Variants in UPRT observed in about 807,000 individuals in gnomAD.
UPRT encodes uracil phosphoribosyltransferase homolog, also known as RP11-311P8.3.
In UPRT, 5 loss-of-function variants were observed where a neutral mutation model predicts 22.6. That is an observed-to-expected ratio of 0.22 (90% CI 0.12 to 0.47). The LOEUF (loss-of-function observed/expected upper bound fraction) is 0.47. UPRT is among the 20% of genes least tolerant of loss of function. UPRT has a pLI of 0.99. For missense variants in UPRT, 181 were observed against 239.9 expected, an observed-to-expected ratio of 0.75 and a Z score of 1.62; for synonymous variants, 77 against 87.7, an observed-to-expected ratio of 0.88 and a Z score of 0.68.
In UPRT at chrX:75,195,627, C is replaced by T. The variant is rs768144070; in HGVS notation, c.-447+27748C>T. Reference sequence around the variant, plus strand: ...CTGCCAGTAATCCAGAGGCCTATGGCGAGAAAAAGTTGCTCCTTGCCTGCT... The same window carrying T: ...CTGCCAGTAATCCAGAGGCCTATGGTGAGAAAAAGTTGCTCCTTGCCTGCT... On this transcript the variant is annotated intron_variant, in intron 4 of 13. Coordinates refer to the UPRT transcript ENST00000652605. Among the ~76,000 whole-genome samples the T allele has an allele frequency of 2.7e-5, 3 of 111,957 alleles. No homozygotes were observed. In the South Asian group the frequency reaches 1.1e-3, roughly 42 times the overall value.
At chrX:75,269,646 C>A (rs2082601632), upstream of UPRT, among the ~76,000 whole-genome samples, 1 of 111,534 alleles carries the variant, frequency 9.0e-6, no homozygotes, top group African/African-American at 3.3e-5. Flanking sequence ...CAAAAACAAG[C>A]AATGGGAAAA....
intron 4 of UPRT, among the ~76,000 whole-genome samples, chrX:75,225,712 A>G (rs1263030735): frequency 4.5e-5 from 5 of 111,901 alleles, no homozygotes; most frequent in African/African-American, 1.6e-4. Flanking sequence ...ATTCTGGAAA[A>G]TGGGTTAGCA....
chrX:75,166,738 T>A (rs993343817), intron 3 of UPRT, among the ~76,000 whole-genome samples: 9 of 112,324 alleles, frequency 8.0e-5, no homozygotes, highest in Non-Finnish European at 1.3e-4. Flanking sequence ...CCCCCAGTAA[T>A]AAATCTTCTC....
chrX:75,257,257 A>C lies in UPRT; in HGVS notation c.-446-33767A>C, dbSNP rs148398143. ...GTGATATACCACATAAACAGAATCA[A>C]AAACAAAAATCACATGATCATCTCA... is the stretch of plus-strand genomic sequence containing the variant. On this transcript the variant is annotated intron_variant, in intron 4 of 13. Transcript: ENST00000652605. Among the ~76,000 whole-genome samples, 285 of 112,385 alleles carry C rather than the reference A, an allele frequency of 2.5e-3. 2 individuals carry two copies. Among genetic ancestry groups the C allele is most frequent in the Non-Finnish European group, 4.1e-3 (216 of 53,289 alleles).
At chrX:75,232,121 A>G (rs1424878056) in intron 4 of UPRT, among the ~76,000 whole-genome samples, 2 of 112,367 alleles carry the variant, frequency 1.8e-5, no homozygotes, top group Admixed American at 1.9e-4. Flanking sequence ...GCATTGCCTC[A>G]CTTGGGAAGG....
intron 4 of UPRT, among the ~76,000 whole-genome samples, chrX:75,181,893 G>A (rs1393512744): frequency 2.7e-5 from 3 of 111,619 alleles, no homozygotes; most frequent in African/African-American, 9.8e-5. Flanking sequence ...TTGAATAGGA[G>A]TGGTGAGAGA....
chrX:75,290,058 A>C (rs2082700033), intron 1 of UPRT, among the ~76,000 whole-genome samples: 1 of 112,409 alleles, frequency 8.9e-6, no homozygotes, highest in Admixed American at 9.4e-5. Flanking sequence ...TGAATCTGAC[A>C]AAGGTGTAAT....
intron 4 of UPRT, among the ~76,000 whole-genome samples, chrX:75,234,707 A>C (rs1482603282): frequency 1.8e-5 from 2 of 111,434 alleles, no homozygotes; most frequent in African/African-American, 6.5e-5. Flanking sequence ...AACGAAATGA[A>C]GGCAGAAATA....
intron 4 of UPRT, among the ~76,000 whole-genome samples, chrX:75,214,956 A>AACAC (rs56673150): frequency 1.1e-3 from 112 of 99,044 alleles, no homozygotes; most frequent in African/African-American, 4.3e-3. Context: ...AAGTATTCTC[A>AACAC]ACACACACAC....
At chrX:75,273,354 T>C (rs187361767), upstream of UPRT, among the ~76,000 whole-genome samples, 134 of 110,658 alleles carry the variant, frequency 1.2e-3, no homozygotes, top group African/African-American at 4.0e-3. Context: ...GATTCTTGTA[T>C]CCCATCTCGG....
intron 4 of UPRT, among the ~76,000 whole-genome samples, chrX:75,211,140 C>T (rs1410969556): frequency 2.7e-5 from 3 of 110,603 alleles, no homozygotes; most frequent in South Asian, 3.9e-4. Flanking sequence ...AGGAGACTTG[C>T]CCCATACTGG....
At chrX:75,175,351 G>A (rs1415759393) in intron 4 of UPRT, among the ~76,000 whole-genome samples, 2 of 112,118 alleles carry the variant, frequency 1.8e-5, no homozygotes, top group African/African-American at 3.2e-5. Context: ...AAAAAGGCAT[G>A]TGAAAAGAGC....
intron 4 of UPRT, among the ~76,000 whole-genome samples, chrX:75,206,434 G>A (rs1284368854): frequency 9.0e-6 from 1 of 110,818 alleles, no homozygotes; most frequent in Non-Finnish European, 1.9e-5. Flanking sequence ...ATATCTTTGA[G>A]ATTGGCAGCC....
At position 75,274,482 on chromosome X, in the gene UPRT, A is replaced by T. The variant is rs2082622688; in HGVS notation, c.228A>T (p.Ser76=). 8.3e-7 allele frequency: 1 copy of T among 1,209,764 alleles called. No individual in the cohort carries two copies. Among genetic ancestry groups the T allele is most frequent in the South Asian group, 1.8e-5 (1 of 56,731 alleles). The stretch of plus-strand genomic sequence containing the variant: ...CCTGCGGCGGCTCCAGCCTCAACTC[A>T]GAGGGCAACAGTGGTAGTGGTGACA... The part of the protein sequence containing the change: ...SGACGGSSLN[S]EGNSGSGDSS... The change falls in exon 1 of 7, where the codon TCA becomes TCT. Residue 76 remains serine (S), a synonymous_variant. Transcript: ENST00000373383.
At chrX:75,183,195 C>T in intron 4 of UPRT, among the ~76,000 whole-genome samples, 1 of 109,910 alleles carries the variant, frequency 9.1e-6, no homozygotes, top group Non-Finnish European at 1.9e-5. Context: ...ACGACAAGCC[C>T]TGGTGTGTGA....
chrX:75,198,788 C>G (rs1275297645), intron 4 of UPRT, among the ~76,000 whole-genome samples: 1 of 111,337 alleles, frequency 9.0e-6, no homozygotes, highest in African/African-American at 3.3e-5. Context: ...GTAGGAAAGA[C>G]AGTCTGGAAT....
intron 4 of UPRT, among the ~76,000 whole-genome samples, chrX:75,180,695 G>GTT (rs61040746): frequency 5.8e-5 from 2 of 34,657 alleles, no homozygotes; most frequent in African/African-American, 2.6e-4. Flanking sequence ...TTTTTTTTTT[G>GTT]TTTTTTTTTT....
chrX:75,228,445 C>G (rs1193616509), intron 4 of UPRT, among the ~76,000 whole-genome samples: 3 of 111,611 alleles, frequency 2.7e-5, no homozygotes, highest in Non-Finnish European at 5.7e-5. Flanking sequence ...TCACATTTCC[C>G]TTCATTTAGA....
At chrX:75,197,774 A>G in intron 4 of UPRT, among the ~76,000 whole-genome samples, 1 of 112,405 alleles carries the variant, frequency 8.9e-6, no homozygotes, top group East Asian at 2.8e-4. Context: ...AATGAAAAAC[A>G]TAATGAGATA....
Sources: allele counts gnomAD v4.1 joint callset (sites outside exome capture counted in the v4.1 genomes callset), GRCh38; gene constraint gnomAD v4.1.1; transcripts MANE v1.5; gene names NCBI Gene and HGNC (gene_info 2026-07-23, HGNC 2026-07-21).